The following KRAS variants were observed in gnomAD, a reference collection of about 807,000 sequenced individuals.
KRAS encodes the protein KRas proto-oncogene, GTPase.
KRAS carries 1 observed loss-of-function variant against 21.0 expected under a neutral mutation model. The ratio of observed to expected loss-of-function variants is 0.05; its 90% CI spans 0.02 to 0.23. The LOEUF is 0.23. KRAS is among the 10% of genes least tolerant of loss of function. The pLI is 1.00. For synonymous variants in KRAS, 67 were observed against 72.5 expected, an observed-to-expected ratio of 0.92 and a Z score of 0.39; for missense variants, 107 against 221.8, an observed-to-expected ratio of 0.48 and a Z score of 3.29.
Position 25,236,178 on chromosome 12 carries a change from G to A in KRAS, c.112-8766C>T, listed in dbSNP as rs537802939. Among the ~76,000 whole-genome samples the A allele has an allele frequency of 3.6e-4, 55 of 152,136 alleles. No homozygotes were observed. The South Asian group carries it at 8.1e-3, about 22-fold the overall frequency. On this transcript the variant is annotated intron_variant, in intron 2 of 4. Coordinates refer to ENST00000311936, the MANE Select transcript of KRAS (RefSeq NM_004985.5). ...GACAATCAAGCAGGGGCCAGCTTAC[G>A]GAGGGTCATGTGTATATTAAGTAAG...
chr12:25,242,366 T>C (rs1308043943), intron 2 of KRAS, among the ~76,000 whole-genome samples: 2 of 152,152 alleles, frequency 1.3e-5, no homozygotes, highest in East Asian at 1.9e-4. Context: ...AAACGAGACT[T>C]TTCCTCTTCC....
intron 2 of KRAS, among the ~76,000 whole-genome samples, chr12:25,243,021 T>C (rs1365901397): frequency 6.6e-6 from 1 of 152,218 alleles, no homozygotes; most frequent in Non-Finnish European, 1.5e-5. Flanking sequence ...ATTTTAAATG[T>C]AGAAAAACTG....
At position 25,250,891 on chromosome 12, in the gene KRAS, GCCGCCGCTGCTGCCT is replaced by G; in HGVS notation, c.-167_-153del. On this transcript the variant is annotated 5_prime_UTR_variant, in exon 1 of 5. Coordinates refer to ENST00000311936, the MANE Select transcript of KRAS (RefSeq NM_004985.5). ...CGCCACCTTCGCCGCCGCCACTGCC[GCCGCCGCTGCTGCCT>G]CCGCCGCCGCGGCCGCCGCCTAGGA... 4.0e-6 allele frequency: 1 copy of G among 247,736 alleles called. No homozygotes were observed. Among genetic ancestry groups the G allele is most frequent in the Non-Finnish European group, 7.6e-6 (1 of 131,390 alleles). 15.3% of individuals were successfully genotyped at this position (247,736 alleles called of 1,614,324 possible). A position where few individuals can be genotyped will look rare whatever the true frequency, so the allele number is the denominator to read the frequency against.
chr12:25,212,626 C>G (rs1951210375), intron 4 of KRAS, among the ~76,000 whole-genome samples: 1 of 152,072 alleles, frequency 6.6e-6, no homozygotes, highest in South Asian at 2.1e-4. Flanking sequence ...ATGTCACAAC[C>G]TACACAGAGC....
At chr12:25,244,332 TAAC>T (rs1416130255) in intron 2 of KRAS, among the ~76,000 whole-genome samples, 1 of 152,154 alleles carries the variant, frequency 6.6e-6, no homozygotes, top group Non-Finnish European at 1.5e-5. Flanking sequence ...AGAAACAATC[TAAC>T]AATATAGGGC....
At chr12:25,213,861 G>T (rs1420241222) in intron 4 of KRAS, among the ~76,000 whole-genome samples, 1 of 152,184 alleles carries the variant, frequency 6.6e-6, no homozygotes, top group Non-Finnish European at 1.5e-5. Flanking sequence ...TTTAATACGG[G>T]TTTAGAAACG....
At position 25,224,183 on chromosome 12, in the gene KRAS, T is replaced by TAA. The variant is rs5797121; in HGVS notation, c.450+1429_450+1430dup. Reference sequence around the variant, plus strand: ...TTTATAGTGTACTCCTCCTATTTACTAAAAAAAAAAAAAAAAAAAAAAAAA... The same window carrying TAA: ...TTTATAGTGTACTCCTCCTATTTACTAAAAAAAAAAAAAAAAAAAAAAAAAAA... On this transcript the variant is annotated intron_variant, in intron 4 of 4. Coordinates refer to ENST00000311936, the MANE Select transcript of KRAS (RefSeq NM_004985.5). Among the ~76,000 whole-genome samples the TAA allele has an allele frequency of 2.8e-3, 226 of 79,714 alleles. 12 individuals carry two copies. Among genetic ancestry groups the TAA allele is most frequent in the African/African-American group, 9.6e-3 (200 of 20,742 alleles). The allele number at this position is 79,714 out of a possible 152,430, so 52.3% of individuals were successfully genotyped here.
chr12:25,246,741 C>T (rs1280545127), intron 1 of KRAS, among the ~76,000 whole-genome samples: 10 of 151,774 alleles, frequency 6.6e-5, no homozygotes, highest in African/African-American at 2.4e-4. Context: ...CCGGTGAAAC[C>T]CCGTCTCTAC....
In KRAS at chr12:25,225,699, G is replaced by C. The variant is rs2141506126; in HGVS notation, c.365C>G (p.Ser122Cys). ...AGCCTGTTTTGTGTCTACTGTTCTA[G>C]AAGGCAAATCACATTTATTTCCTAC... ...VLVGNKCDLP[S>C]RTVDTKQAQD... The change falls in exon 4 of 5, where the codon TCT (serine) becomes TGT (cysteine). Residue 122 changes from serine (S) to cysteine (C), a missense_variant. Transcript: ENST00000311936. The C allele has an allele frequency of 6.2e-7, 1 of 1,613,070 alleles. No individual in the cohort carries two copies.
chr12:25,244,378 C>T (rs1951649828), intron 2 of KRAS, among the ~76,000 whole-genome samples: 1 of 152,168 alleles, frequency 6.6e-6, no homozygotes, highest in African/African-American at 2.4e-5. Context: ...GCTTATTTTC[C>T]ATCTCCACTG....
In KRAS at chr12:25,231,224, C is replaced by T. The variant is rs1951465467; in HGVS notation, c.112-3812G>A. On this transcript the variant is annotated intron_variant, in intron 2 of 4. Coordinates refer to ENST00000311936, the MANE Select transcript of KRAS (RefSeq NM_004985.5). ...TCAAGCGATTCTCCTACCTCAGCCT[C>T]CTGAGTAGCTGGGACTACTGGCACG... is the stretch of plus-strand genomic sequence containing the variant. Among the ~76,000 whole-genome samples the T allele has an allele frequency of 2.6e-5, 4 of 151,466 alleles. No individual in the cohort carries two copies. The South Asian group carries it at 8.4e-4, about 32-fold the overall frequency.
intron 1 of KRAS, among the ~76,000 whole-genome samples, chr12:25,249,007 C>A (rs1302028512): frequency 6.6e-6 from 1 of 152,172 alleles, no homozygotes; most frequent in African/African-American, 2.4e-5. Flanking sequence ...TACAAATAGA[C>A]CTTTCCCATT....
chr12:25,206,406 A>G lies in KRAS; in HGVS notation c.*3389T>C, dbSNP rs1429227903. On this transcript the variant is annotated 3_prime_UTR_variant, in exon 5 of 5. Coordinates refer to ENST00000311936, the MANE Select transcript of KRAS (RefSeq NM_004985.5). ...TTTAGCTTTTTTTAAAAAAACTTCA[A>G]CAAGGATTTTTGTCTTTAAGGCTGT... 4.9e-6 allele frequency: 1 copy of G among 203,972 alleles called. No homozygotes were observed. Among genetic ancestry groups the G allele is most frequent in the Non-Finnish European group, 1.0e-5 (1 of 99,632 alleles). The allele number at this position is 203,972 out of a possible 1,614,324, so 12.6% of individuals were successfully genotyped here.
At chr12:25,213,805 A>G (rs1322785682) in intron 4 of KRAS, among the ~76,000 whole-genome samples, 1 of 152,228 alleles carries the variant, frequency 6.6e-6, no homozygotes, top group Non-Finnish European at 1.5e-5. Flanking sequence ...AAGCTCTGCC[A>G]TGAACTTTAT....
At position 25,207,776 on chromosome 12, in the gene KRAS, A is replaced by G. The variant is rs1293642063; in HGVS notation, c.*2019T>C. 1.3e-5 allele frequency: 3 copies of G among 232,946 alleles called. No individual in the cohort carries two copies. Among genetic ancestry groups the G allele is most frequent in the Admixed American group, 5.6e-5 (1 of 17,764 alleles). The allele number at this position is 232,946 out of a possible 1,614,324, so 14.4% of individuals were successfully genotyped here. On this transcript the variant is annotated 3_prime_UTR_variant, in exon 5 of 5. Coordinates refer to ENST00000311936, the MANE Select transcript of KRAS (RefSeq NM_004985.5). Reference sequence around the variant, plus strand: ...TTCAAAGCATCAGCCACCACCTGAAAATTAGTGATTAGGTCAAATCCCTTT... The same window carrying G: ...TTCAAAGCATCAGCCACCACCTGAAGATTAGTGATTAGGTCAAATCCCTTT...
Position 25,206,185 on chromosome 12 carries a change from T to C in KRAS, c.*3610A>G, listed in dbSNP as rs1951136927. 4.6e-6 allele frequency: 1 copy of C among 216,104 alleles called. No homozygotes were observed. The highest frequency in any genetic ancestry group is 2.2e-5 in the African/African-American group (1 of 44,504). The allele number at this position is 216,104 out of a possible 1,614,324, so 13.4% of individuals were successfully genotyped here. On this transcript the variant is annotated 3_prime_UTR_variant, in exon 5 of 5. Coordinates refer to ENST00000311936, the MANE Select transcript of KRAS (RefSeq NM_004985.5). The stretch of plus-strand genomic sequence containing the variant: ...AACTTAACATGCCCCACAAAGTTTC[T>C]ATGTATATATTAGGACAAAATTGTG...
At chr12:25,248,401 G>C (rs1951715395) in intron 1 of KRAS, among the ~76,000 whole-genome samples, 1 of 152,220 alleles carries the variant, frequency 6.6e-6, no homozygotes, top group South Asian at 2.1e-4. Context: ...AGCGGGCCGA[G>C]ATCGCGCCAC....
In KRAS at chr12:25,250,829, C is replaced by T. The variant is rs1951759260; in HGVS notation, c.-90G>A. ...TGCCTGCGCCGCGCTCGCTCCCAGTCCGAAATGGCGGGGGCCGGGAGTACT... is the reference window on the plus strand; with the variant it reads ...TGCCTGCGCCGCGCTCGCTCCCAGTTCGAAATGGCGGGGGCCGGGAGTACT... On this transcript the variant is annotated 5_prime_UTR_variant, in exon 1 of 5. Coordinates refer to ENST00000311936, the MANE Select transcript of KRAS (RefSeq NM_004985.5). 1 of 227,194 alleles carries T rather than the reference C, an allele frequency of 4.4e-6. No homozygotes were observed. The allele number at this position is 227,194 out of a possible 1,614,324, so 14.1% of individuals were successfully genotyped here.
chr12:25,249,815 G>A (rs1019394320), intron 1 of KRAS, among the ~76,000 whole-genome samples: 8 of 152,110 alleles, frequency 5.3e-5, no homozygotes, highest in South Asian at 2.1e-4. Context: ...ACAAGAACAG[G>A]TAAATTAAAC....
Sources: gnomAD v4.1 joint callset for allele counts (sites outside exome capture counted in the v4.1 genomes callset) on GRCh38, gnomAD v4.1.1 for gene constraint, MANE v1.5 for transcripts, NCBI Gene and HGNC (gene_info 2026-07-23, HGNC 2026-07-21) for gene names.